RBFOX1: variants seen among roughly 807,000 people sequenced by gnomAD.
RBFOX1 encodes the protein RNA binding fox-1 homolog 1, also known as RNA binding protein fox-1 homolog 1.
In RBFOX1, 8 loss-of-function variants were observed where a neutral mutation model predicts 57.7. That is an observed-to-expected ratio of 0.14 (90% CI 0.08 to 0.25). RBFOX1 has a LOEUF of 0.25. RBFOX1 is among the 10% of genes least tolerant of loss of function. The pLI is 1.00. For missense variants in RBFOX1, 611 were observed against 548.5 expected (o/e 1.11, Z -1.14); for synonymous variants, 326 against 222.4 (o/e 1.47, Z -4.15).
At chr16:5,993,303 A>T (rs2152321520) in intron 4 of RBFOX1, among the ~76,000 whole-genome samples, 2 of 151,510 alleles carry the variant, frequency 1.3e-5, no homozygotes, top group East Asian at 3.9e-4. Flanking sequence ...CACAAGAGAG[A>T]ATGTGCCTGT....
chr16:6,887,269 C>G (rs896810914), intron 3 of RBFOX1, among the ~76,000 whole-genome samples: 6 of 152,116 alleles, frequency 3.9e-5, no homozygotes, highest in African/African-American at 1.4e-4. Flanking sequence ...ACTGTGTTAT[C>G]TGCGAAGATG....
At chr16:6,935,969 C>T (rs543140903) in intron 3 of RBFOX1, among the ~76,000 whole-genome samples, 1 of 152,194 alleles carries the variant, frequency 6.6e-6, no homozygotes, top group Admixed American at 6.5e-5. Context: ...TTTGCTTACA[C>T]TCAGGCAGTG....
chr16:7,519,206 A>C (rs1600707496), intron 5 of RBFOX1, among the ~76,000 whole-genome samples: 2 of 152,154 alleles, frequency 1.3e-5, no homozygotes, highest in Non-Finnish European at 2.9e-5. Flanking sequence ...CTTTGCAGCC[A>C]CTCCTCATTC....
At chr16:6,931,295 G>A (rs12447344) in intron 3 of RBFOX1, among the ~76,000 whole-genome samples, 61,916 of 135,106 alleles carry the variant, frequency 0.46, 14,443 homozygotes, top group East Asian at 0.67. Flanking sequence ...CTGTCTGTCT[G>A]TCTATCTATC....
intron 3 of RBFOX1, among the ~76,000 whole-genome samples, chr16:6,919,025 G>T (rs1338641303): frequency 1.3e-5 from 2 of 152,146 alleles, no homozygotes; most frequent in African/African-American, 2.4e-5. Flanking sequence ...CATTCATCCA[G>T]GCTGGAGTGC....
chr16:7,160,646 G>T (rs774708664), intron 4 of RBFOX1, among the ~76,000 whole-genome samples: 1 of 152,116 alleles, frequency 6.6e-6, no homozygotes, highest in African/African-American at 2.4e-5. Flanking sequence ...ACACTGTCCA[G>T]TTATGTCTTT....
At chr16:7,622,127 T>C (rs899362046) in intron 10 of RBFOX1, among the ~76,000 whole-genome samples, 1 of 152,160 alleles carries the variant, frequency 6.6e-6, no homozygotes, top group Non-Finnish European at 1.5e-5. Context: ...AAGTCTGTAG[T>C]TGGTCAGCAC....
intron 1 of RBFOX1, among the ~76,000 whole-genome samples, chr16:5,302,501 CT>C (rs1398064328): frequency 6.6e-6 from 1 of 152,120 alleles, no homozygotes; most frequent in African/African-American, 2.4e-5. Flanking sequence ...CTAATTTTTT[CT>C]GGTTGCTTTA....
intron 3 of RBFOX1, among the ~76,000 whole-genome samples, chr16:5,689,858 A>T (rs1341320789): frequency 2.6e-5 from 4 of 152,146 alleles, no homozygotes. Context: ...TATGGTAATC[A>T]CAAGGAAGGG....
intron 4 of RBFOX1, among the ~76,000 whole-genome samples, chr16:7,277,423 T>A (rs752348247): frequency 5.9e-5 from 9 of 152,226 alleles, no homozygotes; most frequent in Non-Finnish European, 1.2e-4. Flanking sequence ...ATGTTGTACA[T>A]TCTCTGTGCC....
chr16:5,758,668 A>G (rs1426715557), intron 3 of RBFOX1, among the ~76,000 whole-genome samples: 3 of 152,204 alleles, frequency 2.0e-5, no homozygotes, highest in Non-Finnish European at 1.5e-5. Flanking sequence ...AGTTCTGGTG[A>G]TCACTAATAA....
At chr16:6,813,450 C>T (rs907143026) in intron 3 of RBFOX1, among the ~76,000 whole-genome samples, 2 of 152,092 alleles carry the variant, frequency 1.3e-5, no homozygotes, top group Non-Finnish European at 2.9e-5. Context: ...TTGGGGACCC[C>T]AGCTCCTTCT....
chr16:7,575,903 A>G (rs2093293935), intron 5 of RBFOX1, among the ~76,000 whole-genome samples: 2 of 151,932 alleles, frequency 1.3e-5, no homozygotes, highest in South Asian at 4.2e-4. Flanking sequence ...CATCCTTCCC[A>G]CTATCCTGTG....
intron 4 of RBFOX1, among the ~76,000 whole-genome samples, chr16:7,261,256 T>C (rs1424743538): frequency 6.6e-6 from 1 of 152,170 alleles, no homozygotes; most frequent in Non-Finnish European, 1.5e-5. Flanking sequence ...GTTCTGAGCA[T>C]TAAAGGAGAC....
chr16:5,403,709 G>A (rs1248421769), intron 1 of RBFOX1, among the ~76,000 whole-genome samples: 1 of 152,140 alleles, frequency 6.6e-6, no homozygotes, highest in Admixed American at 6.5e-5. Flanking sequence ...GCCTCCCGAA[G>A]TGCTGGGGTT....
At chr16:6,488,658 G>C (rs1389294505) in intron 2 of RBFOX1, among the ~76,000 whole-genome samples, 1 of 152,132 alleles carries the variant, frequency 6.6e-6, no homozygotes, top group Non-Finnish European at 1.5e-5. Flanking sequence ...TTAGCATTTA[G>C]AATCTGTTTA....
intron 2 of RBFOX1, among the ~76,000 whole-genome samples, chr16:6,318,348 G>A (rs1248410720): frequency 6.6e-6 from 1 of 152,106 alleles, no homozygotes; most frequent in Non-Finnish European, 1.5e-5. Flanking sequence ...AAAACTGGGA[G>A]GTTTTGTAAG....
At chr16:6,617,424 A>AGGAG (rs1371273438) in intron 2 of RBFOX1, among the ~76,000 whole-genome samples, 4 of 151,940 alleles carry the variant, frequency 2.6e-5, no homozygotes, top group Non-Finnish European at 4.4e-5. Flanking sequence ...GAGGGACATG[A>AGGAG]GGAGGGGGTA....
chr16:7,385,919 CTTATTTAT>C (rs138535933), intron 4 of RBFOX1, among the ~76,000 whole-genome samples: 2,074 of 135,178 alleles, frequency 0.015, 49 homozygotes, highest in South Asian at 0.056. Flanking sequence ...TGCCCAGTTA[CTTATTTAT>C]TTATTTATTT....
Sources: allele counts gnomAD v4.1 joint callset (sites outside exome capture counted in the v4.1 genomes callset), GRCh38; gene constraint gnomAD v4.1.1; transcripts MANE v1.5; gene names NCBI Gene and HGNC (gene_info 2026-07-23, HGNC 2026-07-21).